TTPAL: variants seen among roughly 807,000 people sequenced by gnomAD.
TTPAL encodes the protein alpha tocopherol transfer protein like, also known as alpha-tocopherol transfer protein-like.
Under a neutral mutation model 28.7 loss-of-function variants are expected in TTPAL, and 21 were observed. That is an observed-to-expected ratio of 0.73 (90% CI 0.52 to 1.06). The LOEUF is 1.06. Ranked by LOEUF, TTPAL falls within the 50% of genes least tolerant of loss-of-function variation. The pLI, the probability that TTPAL is intolerant of heterozygous loss-of-function variation, is 0.00. For missense variants in TTPAL, 345 were observed against 425.5 expected, an observed-to-expected ratio of 0.81 and a Z score of 1.67; for synonymous variants, 169 against 171.9, an observed-to-expected ratio of 0.98 and a Z score of 0.13.
At chr20:44,486,359 G>A (rs148628498) in intron 3 of TTPAL, 3,787 of 340,734 alleles carry the variant, frequency 0.011, 37 homozygotes, top group Non-Finnish European at 0.014. Context: ...TGGGATTACA[G>A]GCATGAGCCA....
intron 2 of TTPAL, among the ~76,000 whole-genome samples, chr20:44,483,450 T>C (rs2064124745): frequency 6.6e-6 from 1 of 152,166 alleles, no homozygotes. Context: ...TCCTTGACTC[T>C]GCTTGACCTG....
chr20:44,492,662 T>C lies in TTPAL; in HGVS notation c.*3121T>C, dbSNP rs2064218031. The C allele has an allele frequency of 1.3e-5, 2 of 152,308 alleles. No homozygotes were observed. Among genetic ancestry groups the C allele is most frequent in the Admixed American group, 6.5e-5 (1 of 15,280 alleles). The allele number at this position is 152,308 out of a possible 1,614,324, so 9.4% of individuals were successfully genotyped here. ...ATTGGTACCTAAAAGCTTCCAAATC[T>C]ATACATTTCAGAATATGGGAATTTT... On this transcript the variant is annotated 3_prime_UTR_variant, in exon 5 of 5. Transcript: ENST00000262605.
At position 44,480,266 on chromosome 20, in the gene TTPAL, GT is replaced by G. The variant is rs1211953539; in HGVS notation, c.270del (p.Phe90LeufsTer27). The G allele has an allele frequency of 1.2e-6, 2 of 1,614,182 alleles. No homozygotes were observed. The highest frequency in any genetic ancestry group is 3.3e-5 in the Admixed American group (2 of 60,020). On this transcript the variant is annotated frameshift_variant, in exon 2 of 5. Transcript: ENST00000262605. LOFTEE classifies it high-confidence loss of function. This position sits in a 1 kb window ranked among gnomAD's most constrained non-coding sequence, Gnocchi z 4.1. ...FLLRFLRARK[F>X]DYDRALQLLV... ...TGCTGCGCTTCCTCCGAGCCCGCAA[GT>G]TTGATTACGACCGGGCCCTGCAGCT...
intron 1 of TTPAL, among the ~76,000 whole-genome samples, chr20:44,479,411 T>TC (rs67933528): frequency 4.9e-4 from 25 of 51,412 alleles, no homozygotes; most frequent in African/African-American, 1.7e-3. Flanking sequence ...TTTTTTTTTT[T>TC]TTTTTTTTTT....
rs1374157445 is a variant in TTPAL at position 44,488,189 on chromosome 20, G to C, written c.751-1074G>C. ...GAAGATTTTGATTCATCAGCTCAGG[G>C]ATCTGTGCTTTAAAATCCCCTTAGG... On this transcript the variant is annotated intron_variant, in intron 4 of 4. Transcript: ENST00000262605. 1.2e-4 allele frequency among the ~76,000 whole-genome samples: 19 copies of C among 152,212 alleles called. 1 individual carries two copies. Among genetic ancestry groups the C allele is most frequent in the Admixed American group, 8.5e-4 (13 of 15,278 alleles).
Position 44,480,386 on chromosome 20 carries a change from C to T in TTPAL, c.387C>T (p.Phe129=). 1 of 1,613,928 alleles carries T rather than the reference C, an allele frequency of 6.2e-7. No individual in the cohort carries two copies. Among genetic ancestry groups the T allele is most frequent in the Non-Finnish European group, 8.5e-7 (1 of 1,179,886 alleles). ...TAAAAGATGTCCTTGCTTCCGGGTT[C>T]CTCACCGTGCTGCCCCACACTGACC... The part of the protein sequence containing the change: ...SALKDVLASG[F]LTVLPHTDPR... Residue 129 remains phenylalanine, a synonymous_variant, in exon 2 of 5, where the codon TTC becomes TTT. Coordinates refer to ENST00000262605, the MANE Select transcript of TTPAL (RefSeq NM_001039199.3). This position sits in a 1 kb window ranked among gnomAD's most constrained non-coding sequence, Gnocchi z 4.1.
chr20:44,480,402 C>CACACTG lies in TTPAL; in HGVS notation c.406_411dup (p.Thr136_Asp137dup). 1 of 1,612,146 alleles carries CACACTG rather than the reference C, an allele frequency of 6.2e-7. No individual in the cohort carries two copies. The highest frequency in any genetic ancestry group is 2.2e-5 in the East Asian group (1 of 44,836). On this transcript the variant is annotated inframe_insertion, in exon 2 of 5. Coordinates refer to ENST00000262605, the MANE Select transcript of TTPAL (RefSeq NM_001039199.3). This position sits in a 1 kb window ranked among gnomAD's most constrained non-coding sequence, Gnocchi z 4.1. ...TTCCGGGTTCCTCACCGTGCTGCCC[C>CACACTG]ACACTGACCCCAGGGGCTGCCATGT...
Position 44,484,472 on chromosome 20 carries a change from T to G in TTPAL, c.581T>G (p.Leu194Ter). 1.9e-6 allele frequency: 3 copies of G among 1,596,726 alleles called. No individual in the cohort carries two copies. The highest frequency in any genetic ancestry group is 2.6e-6 in the Non-Finnish European group (3 of 1,165,710). ...CTTGCAGACTACAAAGGAGTGAGTT[T>G]ATCAAAAGCATCTCACTTTGGCCCT... The part of the protein sequence containing the change: ...VILADYKGVS[L>*]SKASHFGPFI... The change falls in exon 3 of 5, where the codon TTA becomes TGA. Residue 194 changes from leucine to a stop codon, truncating the protein, a stop_gained. Coordinates refer to ENST00000262605, the MANE Select transcript of TTPAL (RefSeq NM_001039199.3). LOFTEE classifies it high-confidence loss of function.
chr20:44,479,672 T>G (rs1055043918), intron 1 of TTPAL, among the ~76,000 whole-genome samples: 43 of 152,220 alleles, frequency 2.8e-4, no homozygotes, highest in African/African-American at 1.0e-3. Flanking sequence ...TACATTACAG[T>G]TGTTTTAATT....
Position 44,493,054 on chromosome 20 carries a change from G to A in TTPAL, c.*3513G>A, listed in dbSNP as rs2064222086. On this transcript the variant is annotated 3_prime_UTR_variant, in exon 5 of 5. Coordinates refer to ENST00000262605, the MANE Select transcript of TTPAL (RefSeq NM_001039199.3). ...TCCCAACACTTTGAGCGGCTGAGGTGGGTGTATCACCTGAAGTCCGGAGTT... is the reference window on the plus strand; with the variant it reads ...TCCCAACACTTTGAGCGGCTGAGGTAGGTGTATCACCTGAAGTCCGGAGTT... 1 of 152,306 alleles carries A rather than the reference G, an allele frequency of 6.6e-6. No individual in the cohort carries two copies. The allele number at this position is 152,306 out of a possible 1,614,324, so 9.4% of individuals were successfully genotyped here. A position where few individuals can be genotyped will look rare whatever the true frequency, so the allele number is the denominator to read the frequency against.
intron 3 of TTPAL, 37 bp downstream of exon 3, chr20:44,484,567 C>T: frequency 6.7e-7 from 1 of 1,484,864 alleles, no homozygotes; most frequent in South Asian, 1.4e-5. Context: ...TTCGTGGTGG[C>T]TCTGGCTTTC....
chr20:44,491,423 A>G lies in TTPAL; in HGVS notation c.*1882A>G, dbSNP rs988496361. The G allele has an allele frequency of 2.1e-4, 32 of 152,364 alleles. 1 individual carries two copies. Among genetic ancestry groups the G allele is most frequent in the African/African-American group, 7.5e-4 (31 of 41,460 alleles). 9.4% of individuals were successfully genotyped at this position (152,364 alleles called of 1,614,324 possible). On this transcript the variant is annotated 3_prime_UTR_variant, in exon 5 of 5. Transcript: ENST00000262605. ...GTGCATTTATTAGACTAACCAGTCA[A>G]GCAGACAGCTCAGTTAGGGAGAAAA...
Position 44,489,669 on chromosome 20 carries a change from T to TGAGATATGAGCATGAGCCC in TTPAL, c.*129_*147dup. Reference sequence around the variant, plus strand: ...TAAACTGCAGGATGGAGGAACAGCCTGAGATATGAGCATGAGCCCATTTTG... The same window carrying TGAGATATGAGCATGAGCCC: ...TAAACTGCAGGATGGAGGAACAGCCTGAGATATGAGCATGAGCCCGAGATATGAGCATGAGCCCATTTTG... On this transcript the variant is annotated 3_prime_UTR_variant, in exon 5 of 5. Transcript: ENST00000262605. 9.4e-7 allele frequency: 1 copy of TGAGATATGAGCATGAGCCC among 1,065,944 alleles called. No individual in the cohort carries two copies. The highest frequency in any genetic ancestry group is 1.7e-5 in the South Asian group (1 of 59,624). The allele number at this position is 1,065,944 out of a possible 1,614,324, so 66.0% of individuals were successfully genotyped here. A position where few individuals can be genotyped will look rare whatever the true frequency, so the allele number is the denominator to read the frequency against.
At chr20:44,486,884 A>G (rs941842768) in intron 4 of TTPAL, among the ~76,000 whole-genome samples, 178 bp downstream of exon 4, 43 of 152,372 alleles carry the variant, frequency 2.8e-4, no homozygotes, top group African/African-American at 1.0e-3. Flanking sequence ...TAAATGAACA[A>G]GAATTTAATA....
Position 44,489,620 on chromosome 20 carries a change from G to A in TTPAL, c.*79G>A. 6.9e-7 allele frequency: 1 copy of A among 1,442,784 alleles called. No homozygotes were observed. Among genetic ancestry groups the A allele is most frequent in the Admixed American group, 2.2e-5 (1 of 44,960 alleles). The allele number at this position is 1,442,784 out of a possible 1,614,324, so 89.4% of individuals were successfully genotyped here. A position where few individuals can be genotyped will look rare whatever the true frequency, so the allele number is the denominator to read the frequency against. ...GCACAAGGAGAATTTAAGGGTCCAT[G>A]GATTCAGTCTTGCTCCTTGTAATTA... On this transcript the variant is annotated 3_prime_UTR_variant, in exon 5 of 5. Coordinates refer to ENST00000262605, the MANE Select transcript of TTPAL (RefSeq NM_001039199.3).
rs1022478266 is a variant in TTPAL at position 44,494,330 on chromosome 20, C to G, written c.*4789C>G. ...CTGTTACAAGTGAAATACTTGAAAC[C>G]TCTCTGACCAAGAGCCTCTGATGGA... is the stretch of plus-strand genomic sequence containing the variant. On this transcript the variant is annotated 3_prime_UTR_variant, in exon 5 of 5. Transcript: ENST00000262605. 2 of 152,702 alleles carry G rather than the reference C, an allele frequency of 1.3e-5. No individual in the cohort carries two copies. The highest frequency in any genetic ancestry group is 4.8e-5 in the African/African-American group (2 of 41,402). The allele number at this position is 152,702 out of a possible 1,614,324, so 9.5% of individuals were successfully genotyped here.
At chr20:44,488,990 C>T (rs547287500) in intron 4 of TTPAL, among the ~76,000 whole-genome samples, 5 of 152,220 alleles carry the variant, frequency 3.3e-5, no homozygotes, top group African/African-American at 1.2e-4. Context: ...CAGGGAGAAG[C>T]GATGTGGCTG....
At chr20:44,481,185 ATACCT>A (rs1462575374) in intron 2 of TTPAL, among the ~76,000 whole-genome samples, 1 of 152,100 alleles carries the variant, frequency 6.6e-6, no homozygotes, top group Non-Finnish European at 1.5e-5. Context: ...AGTGATTAGG[ATACCT>A]TACATTTCTT....
chr20:44,486,721 TA>T lies in TTPAL; in HGVS notation c.750+16del, dbSNP rs780880006. On this transcript the variant is annotated intron_variant, in intron 4 of 4. Coordinates refer to ENST00000262605, the MANE Select transcript of TTPAL (RefSeq NM_001039199.3). ...TAGCAAACAGAGTAAGTGATGATCC[TA>T]TTGACTTCAGATTTTTCTTTTCCTC... The T allele has an allele frequency of 7.0e-7, 1 of 1,438,570 alleles. No homozygotes were observed. Among genetic ancestry groups the T allele is most frequent in the Admixed American group, 1.9e-5 (1 of 51,714 alleles). 89.1% of individuals were successfully genotyped at this position (1,438,570 alleles called of 1,614,324 possible).
Sources: allele counts gnomAD v4.1 joint callset (sites outside exome capture counted in the v4.1 genomes callset), GRCh38; gene constraint gnomAD v4.1.1; non-coding constraint Gnocchi (gnomAD v3.1); transcripts MANE v1.5; gene names NCBI Gene and HGNC (gene_info 2026-07-23, HGNC 2026-07-21).